Variants in EIF2D observed in about 807,000 individuals in gnomAD.
EIF2D encodes the protein hepatocellular carcinoma-associated antigen 56.
Under a neutral mutation model 77.4 loss-of-function variants are expected in EIF2D, and 56 were observed. The observed-to-expected ratio is 0.72, with a 90% CI of 0.58 to 0.90. The LOEUF (loss-of-function observed/expected upper bound fraction) is 0.90. Among genes scored for constraint, EIF2D ranks in the 40% least tolerant of loss-of-function variants. The pLI, the probability that EIF2D is intolerant of heterozygous loss-of-function variation, is 0.00. For missense variants in EIF2D, 574 were observed against 706.5 expected (o/e 0.81, Z 2.13); for synonymous variants, 230 against 271.0 (o/e 0.85, Z 1.49).
rs1669835590 is a variant in EIF2D at position 206,599,877 on chromosome 1, C to A, written c.949-41G>T. On this transcript the variant is annotated intron_variant, in intron 8 of 14. Transcript: ENST00000271764. The surrounding 1 kb of genome is among the most constrained non-coding windows in gnomAD (Gnocchi z 4.1). ...CCAGTGGTAGGGGACTTCATTGATTCCACACACATACTGAGCACCCAGGAT... is the reference window on the plus strand; with the variant it reads ...CCAGTGGTAGGGGACTTCATTGATTACACACACATACTGAGCACCCAGGAT... 6.9e-6 allele frequency: 11 copies of A among 1,584,298 alleles called. No homozygotes were observed. Among genetic ancestry groups the A allele is most frequent in the Non-Finnish European group, 9.5e-6 (11 of 1,154,876 alleles).
intron 4 of EIF2D, among the ~76,000 whole-genome samples, chr1:206,578,233 AGTGT>A (rs58059864): frequency 0.044 from 5,162 of 117,516 alleles, 131 homozygotes; most frequent in Admixed American, 0.063. Flanking sequence ...AAAAAAAAAA[AGTGT>A]GTGTGTGTGT....
chr1:206,608,878 C>G (rs974296890), intron 3 of EIF2D, among the ~76,000 whole-genome samples: 1 of 152,052 alleles, frequency 6.6e-6, no homozygotes, highest in African/African-American at 2.4e-5. Flanking sequence ...ATGATGAAAC[C>G]CTGTCTCTAC....
intron 2 of EIF2D, among the ~76,000 whole-genome samples, chr1:206,609,954 T>G (rs11119136): frequency 1.3e-5 from 2 of 152,070 alleles, no homozygotes; most frequent in East Asian, 3.9e-4. Context: ...ATTGCACTAT[T>G]GCAGACAACC....
downstream of EIF2D, chr1:206,587,249 CTTT>C: frequency 2.4e-6 from 1 of 414,358 alleles, no homozygotes; most frequent in South Asian, 2.2e-5. Context: ...ATCTGCAAGC[CTTT>C]CACCAACCAA....
chr1:206,579,759 A>T lies in EIF2D; in HGVS notation c.*254+933T>A, dbSNP rs1380198521. Among the ~76,000 whole-genome samples the T allele has an allele frequency of 2.6e-5, 4 of 152,228 alleles. No homozygotes were observed. The highest frequency in any genetic ancestry group is 9.6e-5 in the African/African-American group (4 of 41,454). On this transcript the variant is annotated intron_variant and NMD_transcript_variant, in intron 4 of 5. Transcript: ENST00000472709. This position sits in a 1 kb window ranked among gnomAD's most constrained non-coding sequence, Gnocchi z 4.2. Reference sequence around the variant, plus strand: ...AGCTAAGTTTCTAAAGATCCCCCAGATGATTGCACTGTGCAGACAAGTTTA... The same window carrying T: ...AGCTAAGTTTCTAAAGATCCCCCAGTTGATTGCACTGTGCAGACAAGTTTA...
chr1:206,590,166 G>C (rs1406071775), downstream of EIF2D, among the ~76,000 whole-genome samples: 4 of 152,170 alleles, frequency 2.6e-5, no homozygotes, highest in African/African-American at 7.2e-5. Context: ...CTGTTCACAG[G>C]GGGAGAGGGA....
At chr1:206,575,553 T>C (rs1668609527) in intron 4 of EIF2D, among the ~76,000 whole-genome samples, 1 of 152,154 alleles carries the variant, frequency 6.6e-6, no homozygotes, top group African/African-American at 2.4e-5. Flanking sequence ...TTTGTGCTCC[T>C]TTAGATTGGT....
chr1:206,590,136 C>T (rs1219868810), downstream of EIF2D, among the ~76,000 whole-genome samples: 2 of 152,156 alleles, frequency 1.3e-5, no homozygotes, highest in African/African-American at 2.4e-5. Context: ...CTCTACTCTG[C>T]CTTTGAATAT....
chr1:206,586,979 C>T (rs1553407799), downstream of EIF2D: 1 of 1,613,992 alleles, frequency 6.2e-7, no homozygotes, highest in African/African-American at 1.3e-5. Flanking sequence ...ACCTGGGTAA[C>T]CGGTCCTGCT....
At chr1:206,577,613 AC>A (rs1668704741) in intron 4 of EIF2D, among the ~76,000 whole-genome samples, 1 of 152,172 alleles carries the variant, frequency 6.6e-6, no homozygotes, top group South Asian at 2.1e-4. Flanking sequence ...CAGGTACTTA[AC>A]CCCTACTATG....
intron 2 of EIF2D, chr1:206,585,159 G>C: frequency 6.3e-7 from 1 of 1,587,462 alleles, no homozygotes; most frequent in Non-Finnish European, 8.6e-7. Flanking sequence ...AGAGCTCCCA[G>C]CACCCTCTCT....
At position 206,599,412 on chromosome 1, in the gene EIF2D, G is replaced by GT; in HGVS notation, c.1202+50dup. On this transcript the variant is annotated intron_variant, in intron 10 of 14. Transcript: ENST00000271764. The surrounding 1 kb of genome is among the most constrained non-coding windows in gnomAD (Gnocchi z 4.1). ...AGCACTACTCAGGTTGAGAGGAACT[G>GT]TAGGCCAGAACACCAAGCAGGCAGA... The GT allele has an allele frequency of 1.2e-6, 2 of 1,603,468 alleles. No homozygotes were observed. The highest frequency in any genetic ancestry group is 1.7e-6 in the Non-Finnish European group (2 of 1,175,474).
At chr1:206,581,585 G>A (rs1668876174) in intron 2 of EIF2D, among the ~76,000 whole-genome samples, 1 of 150,850 alleles carries the variant, frequency 6.6e-6, no homozygotes, top group Admixed American at 6.6e-5. Flanking sequence ...GGTGACAGAG[G>A]GAGACGAAAG....
rs575788981 is a variant in EIF2D, at chr1:206,600,501, T to A, written c.903-193A>T. Reference sequence around the variant, plus strand: ...ATGGGACATTCTAAATCAGTGCTGTTCAAGAGAACTTTCCATAGACGTGGA... The same window carrying A: ...ATGGGACATTCTAAATCAGTGCTGTACAAGAGAACTTTCCATAGACGTGGA... On this transcript the variant is annotated intron_variant, in intron 7 of 14. Coordinates refer to ENST00000271764, the MANE Select transcript of EIF2D (RefSeq NM_006893.3). The A allele has an allele frequency of 5.5e-6, 3 of 540,590 alleles. No individual in the cohort carries two copies. In the South Asian group the frequency reaches 8.1e-5, roughly 15 times the overall value. The allele number at this position is 540,590 out of a possible 1,614,324, so 33.5% of individuals were successfully genotyped here. A position where few individuals can be genotyped will look rare whatever the true frequency, so the allele number is the denominator to read the frequency against.
intron 7 of EIF2D, 49 bp downstream of exon 7, chr1:206,602,287 A>G: frequency 6.7e-7 from 1 of 1,489,426 alleles, no homozygotes; most frequent in Non-Finnish European, 9.4e-7. Context: ...CAAGGAGCAC[A>G]CGTGAGACCC....
chr1:206,593,152 G>A (rs1234489432), intron 14 of EIF2D, among the ~76,000 whole-genome samples: 5 of 151,408 alleles, frequency 3.3e-5, no homozygotes, highest in Admixed American at 6.6e-5. Context: ...AAAAAGTTTC[G>A]TGCCCAGCTA....
At chr1:206,596,386 C>T (rs529433477) in intron 12 of EIF2D, among the ~76,000 whole-genome samples, 6 of 152,318 alleles carry the variant, frequency 3.9e-5, no homozygotes, top group African/African-American at 1.2e-4. Context: ...TGGTCTCTTA[C>T]AACTACTCAG....
chr1:206,600,251 A>G lies in EIF2D; in HGVS notation c.948+12T>C, dbSNP rs1553411026. The G allele has an allele frequency of 1.2e-6, 2 of 1,613,660 alleles. No individual in the cohort carries two copies. Among genetic ancestry groups the G allele is most frequent in the Admixed American group, 3.3e-5 (2 of 60,002 alleles). The stretch of plus-strand genomic sequence containing the variant: ...CTCTCTGCATGGGTCTGCAAAGAAG[A>G]TCCTTGCTTACCTTTTTGTAGCTTG... On this transcript the variant is annotated intron_variant, in intron 8 of 14. Transcript: ENST00000271764.
chr1:206,593,855 C>A, intron 13 of EIF2D, 62 bp from the exon 14 acceptor site: 2 of 1,464,582 alleles, frequency 1.4e-6, no homozygotes, highest in Non-Finnish European at 9.3e-7. Flanking sequence ...CTCCAGAGGG[C>A]CTTCCAGAGC....
Sources: allele counts gnomAD v4.1 joint callset (sites outside exome capture counted in the v4.1 genomes callset), GRCh38; gene constraint gnomAD v4.1.1; non-coding constraint Gnocchi (gnomAD v3.1); transcripts MANE v1.5; gene names NCBI Gene and HGNC (gene_info 2026-07-23, HGNC 2026-07-21).